The following ZNF883 variants were observed in gnomAD, a reference collection of about 807,000 sequenced individuals.
ZNF883 encodes zinc finger protein 883.
chr9:113,006,528 GA>G (rs1828478298), intron 2 of ZNF883, among the ~76,000 whole-genome samples: 1 of 152,074 alleles, frequency 6.6e-6, no homozygotes, highest in African/African-American at 2.4e-5. Context: ...ACAAAGCCAA[GA>G]CCCCACTTGG....
chr9:113,000,358 A>G (rs1828411186), upstream of ZNF883, among the ~76,000 whole-genome samples: 1 of 152,214 alleles, frequency 6.6e-6, no homozygotes, highest in Non-Finnish European at 1.5e-5. Flanking sequence ...AATGTCATCT[A>G]GCAGGAGACA....
At chr9:112,988,150 ATTTAAT>A (rs1044175709) in intron 1 of ZNF883, among the ~76,000 whole-genome samples, 97 of 152,228 alleles carry the variant, frequency 6.4e-4, no homozygotes, top group African/African-American at 2.2e-3. Flanking sequence ...TTTTAAAAAA[ATTTAAT>A]TTTAAGTTCT....
At chr9:113,009,107 C>T (rs1181620456) in intron 2 of ZNF883, among the ~76,000 whole-genome samples, 1 of 152,190 alleles carries the variant, frequency 6.6e-6, no homozygotes, top group Admixed American at 6.5e-5. Flanking sequence ...CTATTCTCAA[C>T]AGAGCATCCA....
At chr9:113,004,663 T>G (rs1044975420) in intron 2 of ZNF883, among the ~76,000 whole-genome samples, 5 of 151,750 alleles carry the variant, frequency 3.3e-5, no homozygotes, top group Admixed American at 1.3e-4. Context: ...ATTTCCAGAC[T>G]CCAGAACTAT....
downstream of ZNF883, among the ~76,000 whole-genome samples, chr9:112,994,208 C>T (rs1490313104): frequency 6.6e-6 from 1 of 152,220 alleles, no homozygotes; most frequent in Non-Finnish European, 1.5e-5. Context: ...CAGGGTAGCA[C>T]AATCACTCAC....
At chr9:112,992,578 A>G (rs576044207), downstream of ZNF883, among the ~76,000 whole-genome samples, 1 of 152,208 alleles carries the variant, frequency 6.6e-6, no homozygotes, top group South Asian at 2.1e-4. Flanking sequence ...TTCTCATGGA[A>G]TATCTTACTG....
downstream of ZNF883, among the ~76,000 whole-genome samples, chr9:112,993,416 T>A (rs1462187593): frequency 6.6e-6 from 1 of 152,186 alleles, no homozygotes; most frequent in Non-Finnish European, 1.5e-5. Flanking sequence ...GATGGCTGCC[T>A]GCTCCTTCCT....
At chr9:112,999,340 T>A (rs1052171848), upstream of ZNF883, among the ~76,000 whole-genome samples, 1 of 152,200 alleles carries the variant, frequency 6.6e-6, no homozygotes, top group Admixed American at 6.5e-5. Flanking sequence ...CCTATTCTTC[T>A]CTATAACTCA....
chr9:113,003,939 T>C (rs763796819), intron 2 of ZNF883, among the ~76,000 whole-genome samples: 1 of 101,700 alleles, frequency 9.8e-6, no homozygotes, highest in African/African-American at 4.3e-5. Flanking sequence ...AAAAAAGGTA[T>C]GTTGTAATCC....
intron 1 of ZNF883, among the ~76,000 whole-genome samples, chr9:112,990,124 T>C (rs938040571): frequency 1.3e-5 from 2 of 152,202 alleles, no homozygotes; most frequent in Non-Finnish European, 2.9e-5. Flanking sequence ...TCTTGACTGA[T>C]TGCCCTGGCC....
chr9:113,011,730 G>A (rs142838824), intron 1 of ZNF883, among the ~76,000 whole-genome samples: 12 of 152,256 alleles, frequency 7.9e-5, no homozygotes, highest in Middle Eastern at 3.4e-3. Flanking sequence ...CACTAAATAC[G>A]TATATCACGG....
intron 1 of ZNF883, 23 bp from the exon 2 acceptor site, chr9:113,011,250 A>G (rs1828535480): frequency 6.6e-6 from 1 of 152,228 alleles, no homozygotes. Context: ...AGGGGCCCTG[A>G]GAAATCAGGA....
intron 2 of ZNF883, among the ~76,000 whole-genome samples, chr9:113,006,077 A>G (rs1356400978): frequency 6.8e-6 from 1 of 146,070 alleles, no homozygotes; most frequent in African/African-American, 2.6e-5. Context: ...TATTTCTCTA[A>G]AAGTTCAAGC....
downstream of ZNF883, among the ~76,000 whole-genome samples, chr9:112,993,058 C>A (rs142475394): frequency 1.4e-3 from 211 of 152,342 alleles, 2 homozygotes; most frequent in African/African-American, 4.4e-3. Flanking sequence ...CCTTCTGAAG[C>A]CTACTTCTGT....
intron 1 of ZNF883, among the ~76,000 whole-genome samples, chr9:112,989,253 A>G (rs1420392543): frequency 2.0e-5 from 3 of 151,970 alleles, no homozygotes; most frequent in African/African-American, 7.2e-5. Flanking sequence ...GGATATTTAT[A>G]GTTTTGGGTT....
chr9:113,000,082 T>C (rs557473319), upstream of ZNF883, among the ~76,000 whole-genome samples: 1 of 152,294 alleles, frequency 6.6e-6, no homozygotes, highest in East Asian at 1.9e-4. Flanking sequence ...TCTGGAGGGC[T>C]TTCAAAGCTC....
chr9:113,011,894 A>C (rs1828542372), intron 1 of ZNF883, among the ~76,000 whole-genome samples: 1 of 152,080 alleles, frequency 6.6e-6, no homozygotes, highest in African/African-American at 2.4e-5. Context: ...CAAGCCCCTG[A>C]CTGTTAAGGC....
downstream of ZNF883, among the ~76,000 whole-genome samples, chr9:112,994,617 T>C (rs1014374681): frequency 5.9e-5 from 9 of 152,104 alleles, no homozygotes; most frequent in African/African-American, 1.9e-4. Context: ...TCATTTATTA[T>C]AATATTCTAT....
At chr9:112,992,014 T>C (rs1187728600) in intron 1 of ZNF883, among the ~76,000 whole-genome samples, 1 of 152,240 alleles carries the variant, frequency 6.6e-6, no homozygotes, top group Non-Finnish European at 1.5e-5. Flanking sequence ...AACACACTGA[T>C]AGGTCTTGAC....
Sources: gnomAD v4.1 joint callset for allele counts (sites outside exome capture counted in the v4.1 genomes callset) on GRCh38, gnomAD v4.1.1 for gene constraint, MANE v1.5 for transcripts, NCBI Gene and HGNC (gene_info 2026-07-23, HGNC 2026-07-21) for gene names.